The following AFG2A variants were observed in gnomAD, a reference collection of about 807,000 sequenced individuals.
AFG2A encodes ATPase family gene 2 protein homolog A.
the AFG2A span, among the ~76,000 whole-genome samples, chr4:123,015,885 C>T: frequency 0.083 from 3,138 of 37,842 alleles, 212 homozygotes; most frequent in African/African-American, 0.2. Context: ...CCCTCCCGGA[C>T]GGGGCGGCTG....
the AFG2A span, among the ~76,000 whole-genome samples, chr4:123,164,293 G>A: frequency 6.6e-6 from 1 of 152,272 alleles, no homozygotes; most frequent in African/African-American, 2.4e-5. Context: ...ATTATTTCAT[G>A]TGTGTAACTT....
the AFG2A span, among the ~76,000 whole-genome samples, chr4:123,291,649 C>T: frequency 6.6e-6 from 1 of 152,302 alleles, no homozygotes; most frequent in East Asian, 1.9e-4. Flanking sequence ...GATGGGCTGA[C>T]AGTTATTCTG....
At chr4:122,990,430 C>G in the AFG2A span, among the ~76,000 whole-genome samples, 1 of 152,152 alleles carries the variant, frequency 6.6e-6, no homozygotes, top group African/African-American at 2.4e-5. Context: ...CTTTACCTCA[C>G]TGTGTATAGG....
chr4:123,073,709 C>T, the AFG2A span, among the ~76,000 whole-genome samples: 4 of 152,058 alleles, frequency 2.6e-5, no homozygotes, highest in East Asian at 5.8e-4. Context: ...AAGAAGTTCA[C>T]GTCGGATTTG....
chr4:122,933,752 G>A, the AFG2A span, among the ~76,000 whole-genome samples: 9 of 152,262 alleles, frequency 5.9e-5, no homozygotes, highest in Non-Finnish European at 7.4e-5. Flanking sequence ...TTTAACCTTT[G>A]CATTCTTGCC....
chr4:123,092,849 C>T, the AFG2A span, among the ~76,000 whole-genome samples: 785 of 152,248 alleles, frequency 5.2e-3, 2 homozygotes, highest in African/African-American at 0.018. Flanking sequence ...TGCCACACAG[C>T]CCCCTCCTCC....
chr4:123,186,389 G>A, the AFG2A span, among the ~76,000 whole-genome samples: 1 of 152,314 alleles, frequency 6.6e-6, no homozygotes, highest in South Asian at 2.1e-4. Flanking sequence ...TCTTAAGATA[G>A]TGCCTTTTCA....
At chr4:123,043,585 C>G in the AFG2A span, among the ~76,000 whole-genome samples, 1 of 152,146 alleles carries the variant, frequency 6.6e-6, no homozygotes, top group Non-Finnish European at 1.5e-5. Flanking sequence ...TTTAGTCTAT[C>G]CCTAAAGAAC....
the AFG2A span, among the ~76,000 whole-genome samples, chr4:123,004,056 C>T: frequency 6.6e-6 from 1 of 152,216 alleles, no homozygotes; most frequent in African/African-American, 2.4e-5. Flanking sequence ...GCAGTTTGAT[C>T]TCAGACTGCT....
chr4:122,931,940 T>C, the AFG2A span, among the ~76,000 whole-genome samples: 1 of 152,110 alleles, frequency 6.6e-6, no homozygotes, highest in African/African-American at 2.4e-5. Flanking sequence ...TCCACAGGTA[T>C]TGAGGATTGA....
the AFG2A span, among the ~76,000 whole-genome samples, chr4:122,939,177 C>T: frequency 2.7e-5 from 4 of 149,312 alleles, no homozygotes; most frequent in Non-Finnish European, 4.4e-5. Flanking sequence ...CCTCTGCCTC[C>T]CAGGTTCAAG....
chr4:123,100,485 A>G, the AFG2A span, among the ~76,000 whole-genome samples: 1 of 151,874 alleles, frequency 6.6e-6, no homozygotes, highest in African/African-American at 2.4e-5. Flanking sequence ...TTCCGTCTAA[A>G]GCATTCTCAT....
the AFG2A span, among the ~76,000 whole-genome samples, chr4:123,241,928 C>T: frequency 6.6e-6 from 1 of 152,192 alleles, no homozygotes; most frequent in Non-Finnish European, 1.5e-5. Context: ...GCAACTTCAG[C>T]AAAGTCTCAG....
the AFG2A span, among the ~76,000 whole-genome samples, chr4:123,086,431 G>A: frequency 1.3e-5 from 2 of 152,056 alleles, no homozygotes; most frequent in African/African-American, 4.8e-5. Context: ...CCCACCCCTC[G>A]ACATATGACT....
the AFG2A span, among the ~76,000 whole-genome samples, chr4:123,077,044 T>C: frequency 1.4e-5 from 1 of 69,926 alleles, no homozygotes. Flanking sequence ...TTTCCTGTTG[T>C]TGTTTTTTTT....
chr4:123,182,061 C>T, the AFG2A span, among the ~76,000 whole-genome samples: 1 of 152,176 alleles, frequency 6.6e-6, no homozygotes, highest in Non-Finnish European at 1.5e-5. Context: ...TGAGTTTCTA[C>T]TTCCTGTTCA....
At chr4:123,303,010 G>T in the AFG2A span, among the ~76,000 whole-genome samples, 1 of 152,116 alleles carries the variant, frequency 6.6e-6, no homozygotes, top group African/African-American at 2.4e-5. Flanking sequence ...GAAAGAATAA[G>T]GGGCTCCCAA....
the AFG2A span, among the ~76,000 whole-genome samples, chr4:123,106,185 A>G: frequency 6.6e-6 from 1 of 152,242 alleles, no homozygotes; most frequent in Non-Finnish European, 1.5e-5. Context: ...AACTTGCTGA[A>G]GGCTTAGATA....
At chr4:123,157,315 C>T in the AFG2A span, among the ~76,000 whole-genome samples, 2 of 152,058 alleles carry the variant, frequency 1.3e-5, no homozygotes, top group African/African-American at 2.4e-5. Flanking sequence ...TGAGCCACCG[C>T]ACCCAGCCTC....
Sources: gnomAD v4.1 joint callset for allele counts (sites outside exome capture counted in the v4.1 genomes callset) on GRCh38, gnomAD v4.1.1 for gene constraint, MANE v1.5 for transcripts, NCBI Gene and HGNC (gene_info 2026-07-23, HGNC 2026-07-21) for gene names.